ZNF385D: variants seen among roughly 807,000 people sequenced by gnomAD.
The protein encoded by ZNF385D is zinc finger protein 385D, also known as zinc finger protein 659.
A neutral mutation model predicts 35.8 loss-of-function variants in ZNF385D; 15 were observed. The ratio of observed to expected loss-of-function variants is 0.42; its 90% confidence interval spans 0.28 to 0.64. ZNF385D has a LOEUF of 0.64. Ranked by LOEUF, ZNF385D falls within the 30% of genes least tolerant of loss-of-function variation. The pLI, the probability that ZNF385D is intolerant of heterozygous loss-of-function variation, is 0.23. For synonymous variants in ZNF385D, 212 were observed against 186.8 expected (o/e 1.13, Z -1.10); for missense variants, 474 against 494.6 (o/e 0.96, Z 0.39).
chr3:21,726,976 A>G (rs2068792011), intron 1 of ZNF385D, among the ~76,000 whole-genome samples: 1 of 152,212 alleles, frequency 6.6e-6, no homozygotes, highest in African/African-American at 2.4e-5. Flanking sequence ...AAAGAGATAT[A>G]TAGACCAATG....
At chr3:22,092,673 A>C (rs1488883564) in intron 3 of ZNF385D, among the ~76,000 whole-genome samples, 1 of 152,048 alleles carries the variant, frequency 6.6e-6, no homozygotes, top group African/African-American at 2.4e-5. Context: ...TTACTCTATT[A>C]TTAACAGTTC....
At chr3:21,914,381 CTT>C (rs5847151) in intron 3 of ZNF385D, among the ~76,000 whole-genome samples, 3,200 of 138,684 alleles carry the variant, frequency 0.023, 100 homozygotes, top group African/African-American at 0.075. Context: ...TTTTGTTTGA[CTT>C]TTTTTTTTTT....
chr3:21,815,233 G>A (rs1166774673), intron 3 of ZNF385D, among the ~76,000 whole-genome samples: 5 of 152,144 alleles, frequency 3.3e-5, no homozygotes, highest in African/African-American at 1.2e-4. Flanking sequence ...GAGAAAGCAG[G>A]AAAGATCTAA....
chr3:21,476,319 G>A (rs1341555500), intron 4 of ZNF385D, among the ~76,000 whole-genome samples: 1 of 152,028 alleles, frequency 6.6e-6, no homozygotes, highest in Non-Finnish European at 1.5e-5. Flanking sequence ...ATCTGACAAA[G>A]TAATCATAAA....
chr3:21,470,276 G>T (rs1250877904), intron 4 of ZNF385D, among the ~76,000 whole-genome samples: 2 of 152,092 alleles, frequency 1.3e-5, no homozygotes, highest in Non-Finnish European at 2.9e-5. Flanking sequence ...AAATGGAGTG[G>T]ATCCTAAGCA....
chr3:21,690,043 A>G (rs1274667424), intron 1 of ZNF385D, among the ~76,000 whole-genome samples: 1 of 152,188 alleles, frequency 6.6e-6, no homozygotes, highest in Non-Finnish European at 1.5e-5. Context: ...AATGTATGGC[A>G]TGGATTTTAT....
intron 2 of ZNF385D, among the ~76,000 whole-genome samples, chr3:22,291,554 G>A (rs1238488243): frequency 6.6e-6 from 1 of 151,686 alleles, no homozygotes; most frequent in African/African-American, 2.4e-5. Flanking sequence ...ATATATTTTA[G>A]TTGATTTAGT....
At chr3:22,074,303 TAC>T (rs2125568745) in intron 3 of ZNF385D, among the ~76,000 whole-genome samples, 1 of 152,100 alleles carries the variant, frequency 6.6e-6, no homozygotes, top group African/African-American at 2.4e-5. Context: ...AATAATTAGA[TAC>T]ATAGTTACCA....
chr3:21,727,615 G>C (rs1247260874), intron 1 of ZNF385D, among the ~76,000 whole-genome samples: 5 of 152,190 alleles, frequency 3.3e-5, no homozygotes, highest in African/African-American at 1.2e-4. Context: ...ACCGCAATGA[G>C]ATACCATCTC....
rs11927357 is a variant in ZNF385D at position 21,779,349 on chromosome 3, T to C, written c.326-114321A>G. On this transcript the variant is annotated intron_variant, in intron 3 of 5. Coordinates refer to the ZNF385D transcript ENST00000494108. ...ATTTGTATTCTGAAACATGTCTAAA[T>C]AGCCCATGTGGAAAGATAATATATA... 5.0e-3 allele frequency among the ~76,000 whole-genome samples: 729 copies of C among 144,704 alleles called. 10 individuals are homozygous for C. Among genetic ancestry groups the C allele is most frequent in the African/African-American group, 0.017 (683 of 39,492 alleles). The allele number at this position is 144,704 out of a possible 152,430, so 94.9% of individuals were successfully genotyped here. A position where few individuals can be genotyped will look rare whatever the true frequency, so the allele number is the denominator to read the frequency against.
intron 4 of ZNF385D, among the ~76,000 whole-genome samples, chr3:21,508,982 T>C (rs1706995319): frequency 6.8e-6 from 1 of 146,026 alleles, no homozygotes; most frequent in African/African-American, 2.5e-5. Context: ...TTTTTTTTTT[T>C]CTTTTTCTTT....
intron 3 of ZNF385D, among the ~76,000 whole-genome samples, chr3:22,117,828 T>A (rs1430752513): frequency 1.3e-5 from 2 of 151,988 alleles, no homozygotes; most frequent in African/African-American, 4.8e-5. Flanking sequence ...ATGACAAAGG[T>A]AGAAATCTTT....
intron 3 of ZNF385D, among the ~76,000 whole-genome samples, chr3:22,034,206 T>G (rs143210155): frequency 6.6e-6 from 1 of 152,150 alleles, no homozygotes; most frequent in Non-Finnish European, 1.5e-5. Flanking sequence ...TTAGATGAAG[T>G]CTTCAGGGCG....
intron 2 of ZNF385D, among the ~76,000 whole-genome samples, chr3:22,211,746 C>T (rs745801798): frequency 4.6e-5 from 7 of 151,904 alleles, no homozygotes; most frequent in Non-Finnish European, 8.8e-5. Flanking sequence ...AAGAACAGTC[C>T]TGGTGGTACC....
At chr3:21,843,410 C>T (rs1695803489) in intron 3 of ZNF385D, among the ~76,000 whole-genome samples, 1 of 151,854 alleles carries the variant, frequency 6.6e-6, no homozygotes, top group Non-Finnish European at 1.5e-5. Flanking sequence ...TATGTTTCAG[C>T]CTAAGAGAAA....
chr3:22,087,237 T>TTC (rs1701093868), intron 3 of ZNF385D, among the ~76,000 whole-genome samples: 1 of 152,048 alleles, frequency 6.6e-6, no homozygotes, highest in African/African-American at 2.4e-5. Flanking sequence ...TCTTTTTTTT[T>TTC]CACTGTGGCC....
At chr3:22,204,676 A>C (rs574371236) in intron 2 of ZNF385D, among the ~76,000 whole-genome samples, 165 of 152,184 alleles carry the variant, frequency 1.1e-3, no homozygotes, top group Non-Finnish European at 2.0e-3. Flanking sequence ...GAAATAAGTA[A>C]AAAGAATCAA....
chr3:21,863,745 C>A (rs1697182644), intron 3 of ZNF385D, among the ~76,000 whole-genome samples: 1 of 152,088 alleles, frequency 6.6e-6, no homozygotes, highest in Non-Finnish European at 1.5e-5. Flanking sequence ...ACGATTGATA[C>A]AGAAAAGCTG....
chr3:21,688,335 T>C (rs1575464476), intron 1 of ZNF385D, among the ~76,000 whole-genome samples: 1 of 152,278 alleles, frequency 6.6e-6, no homozygotes, highest in South Asian at 2.1e-4. Context: ...TGCCCCATCA[T>C]TGGTCATTAT....
Sources: gnomAD v4.1 joint callset for allele counts (sites outside exome capture counted in the v4.1 genomes callset) on GRCh38, gnomAD v4.1.1 for gene constraint, MANE v1.5 for transcripts, NCBI Gene and HGNC (gene_info 2026-07-23, HGNC 2026-07-21) for gene names.